The following CALN1 variants were observed in gnomAD, a reference collection of about 807,000 sequenced individuals.
CALN1 encodes the protein calneuron 1.
A neutral mutation model predicts 30.6 loss-of-function variants in CALN1; 17 were observed. The ratio of observed to expected loss-of-function variants is 0.56; its 90% CI spans 0.38 to 0.83. CALN1 has a LOEUF of 0.83. Among genes scored for constraint, CALN1 ranks in the 40% least tolerant of loss-of-function variants. The pLI is 0.00. For synonymous variants in CALN1, 156 were observed against 131.4 expected (o/e 1.19, Z -1.28); for missense variants, 291 against 354.9 (o/e 0.82, Z 1.45).
At chr7:72,388,233 G>C (rs1805360180) in intron 2 of CALN1, among the ~76,000 whole-genome samples, 1 of 152,026 alleles carries the variant, frequency 6.6e-6, no homozygotes, top group Non-Finnish European at 1.5e-5. Flanking sequence ...CCATAAATAT[G>C]AGTTATTGTA....
chr7:72,410,048 G>C (rs796584523), intron 1 of CALN1, among the ~76,000 whole-genome samples: 3 of 151,574 alleles, frequency 2.0e-5, no homozygotes, highest in African/African-American at 7.3e-5. Context: ...CTTTCTTGAA[G>C]ATATCTTTTG....
chr7:72,409,907 A>C (rs1231939570), intron 1 of CALN1, among the ~76,000 whole-genome samples: 2 of 152,192 alleles, frequency 1.3e-5, no homozygotes, highest in Non-Finnish European at 2.9e-5. Context: ...TGAGGGCCAC[A>C]TTATAATCAG....
At chr7:72,025,507 G>A (rs4469348) in intron 4 of CALN1, among the ~76,000 whole-genome samples, 9,148 of 152,154 alleles carry the variant, frequency 0.06, 303 homozygotes, top group Non-Finnish European at 0.075. Context: ...TCTCTTGCTC[G>A]TTCTTTCTTT....
chr7:72,385,735 A>G (rs1007824319), intron 2 of CALN1, among the ~76,000 whole-genome samples: 3 of 152,096 alleles, frequency 2.0e-5, no homozygotes, highest in African/African-American at 7.2e-5. Context: ...CTGAGTTCTC[A>G]TGAGATCGAA....
At chr7:71,980,482 G>A (rs568338732) in intron 5 of CALN1, among the ~76,000 whole-genome samples, 27 of 152,166 alleles carry the variant, frequency 1.8e-4, no homozygotes, top group African/African-American at 6.0e-4. Flanking sequence ...GAGCCACCAC[G>A]CCCAGCCAAC....
the CALN1 span, among the ~76,000 whole-genome samples, chr7:72,489,136 C>T: frequency 6.6e-6 from 1 of 152,114 alleles, no homozygotes; most frequent in African/African-American, 2.4e-5. Flanking sequence ...ACCATGGGAA[C>T]AGAAGTGAAG....
At chr7:71,897,946 G>A (rs1337856444) in intron 5 of CALN1, among the ~76,000 whole-genome samples, 2 of 118,362 alleles carry the variant, frequency 1.7e-5, no homozygotes, top group Non-Finnish European at 3.3e-5. Flanking sequence ...TCTAGCCAAG[G>A]AGTAGTGTTG....
chr7:72,442,438 T>C (rs1220575984), intron 1 of CALN1, among the ~76,000 whole-genome samples: 1 of 152,256 alleles, frequency 6.6e-6, no homozygotes, highest in Non-Finnish European at 1.5e-5. Context: ...AGGGCTGCAC[T>C]TATTTAGGAT....
chr7:71,984,148 A>C (rs1389636978), intron 5 of CALN1, among the ~76,000 whole-genome samples: 1 of 152,178 alleles, frequency 6.6e-6, no homozygotes, highest in Non-Finnish European at 1.5e-5. Context: ...AATTCAGGTG[A>C]AACAGCACAG....
At chr7:72,316,451 T>A (rs1800452579) in intron 2 of CALN1, among the ~76,000 whole-genome samples, 1 of 151,904 alleles carries the variant, frequency 6.6e-6, no homozygotes, top group African/African-American at 2.4e-5. Flanking sequence ...TGCAACCCCT[T>A]CAGATAATAA....
chr7:72,473,549 A>C, the CALN1 span, among the ~76,000 whole-genome samples: 22 of 152,238 alleles, frequency 1.4e-4, no homozygotes, highest in Non-Finnish European at 2.2e-4. Flanking sequence ...TAAAATGAAC[A>C]CATGCCAAAG....
chr7:72,336,780 G>A (rs1252115323), intron 2 of CALN1: 5 of 984,904 alleles, frequency 5.1e-6, no homozygotes, highest in South Asian at 4.7e-5. Context: ...TCCGAGGCCC[G>A]CAGGGAGGGG....
intron 5 of CALN1, among the ~76,000 whole-genome samples, chr7:71,899,258 C>T (rs1272803851): frequency 3.3e-5 from 5 of 151,854 alleles, no homozygotes; most frequent in East Asian, 1.9e-4. Context: ...ATTCTCCTGC[C>T]GCAGCCTCCC....
chr7:72,410,090 T>C (rs956826701), intron 1 of CALN1, among the ~76,000 whole-genome samples: 41 of 152,208 alleles, frequency 2.7e-4, no homozygotes, highest in African/African-American at 9.6e-4. Flanking sequence ...GGTCATGCCA[T>C]ATGGTGTGTA....
chr7:72,220,532 A>G (rs916954622), intron 3 of CALN1, among the ~76,000 whole-genome samples: 9 of 150,040 alleles, frequency 6.0e-5, no homozygotes, highest in Non-Finnish European at 1.2e-4. Context: ...TAGCAGCATG[A>G]TTTATAATCC....
At chr7:72,192,523 T>C (rs1039902475) in intron 3 of CALN1, among the ~76,000 whole-genome samples, 7 of 152,092 alleles carry the variant, frequency 4.6e-5, no homozygotes, top group African/African-American at 7.2e-5. Context: ...TGGATTGTGA[T>C]AGGGAACTCT....
At chr7:72,147,402 A>G (rs1482319260) in intron 3 of CALN1, among the ~76,000 whole-genome samples, 2 of 151,448 alleles carry the variant, frequency 1.3e-5, no homozygotes, top group Non-Finnish European at 2.9e-5. Flanking sequence ...AATGCAAATC[A>G]AAACCACAAT....
At chr7:72,428,939 C>G (rs1038565642) in intron 1 of CALN1, among the ~76,000 whole-genome samples, 1 of 152,196 alleles carries the variant, frequency 6.6e-6, no homozygotes, top group Non-Finnish European at 1.5e-5. Flanking sequence ...GACCCCCTAA[C>G]TACACATACA....
intron 2 of CALN1, among the ~76,000 whole-genome samples, chr7:72,356,164 T>C (rs1803211532): frequency 6.6e-6 from 1 of 152,148 alleles, no homozygotes; most frequent in Non-Finnish European, 1.5e-5. Context: ...GGTTAAAATT[T>C]TGTAAAAGGA....
Sources: allele counts gnomAD v4.1 joint callset (sites outside exome capture counted in the v4.1 genomes callset), GRCh38; gene constraint gnomAD v4.1.1; transcripts MANE v1.5; gene names NCBI Gene and HGNC (gene_info 2026-07-23, HGNC 2026-07-21).